SLIT3: variants seen among roughly 807,000 people sequenced by gnomAD.
The protein encoded by SLIT3 is slit homolog 3 protein.
SLIT3 carries 68 observed loss-of-function variants against 184.0 expected under a neutral mutation model. The observed-to-expected ratio is 0.37, with a 90% CI of 0.30 to 0.45. SLIT3 has a LOEUF of 0.45. SLIT3 is among the 20% of genes least tolerant of loss of function. The probability of loss-of-function intolerance (pLI) is 1.00; values close to 1 mark genes in which losing one functional copy is unlikely to be tolerated. For missense variants in SLIT3, 1,707 were observed against 2,026.0 expected (o/e 0.84, Z 3.02); for synonymous variants, 831 against 828.6 (o/e 1.00, Z -0.05).
intron 23 of SLIT3, among the ~76,000 whole-genome samples, chr5:168,718,660 G>T (rs770407536): frequency 7.5e-6 from 1 of 132,740 alleles, no homozygotes; most frequent in South Asian, 2.6e-4. Flanking sequence ...CTCCTGAAAT[G>T]TATTCATATC....
intron 4 of SLIT3, among the ~76,000 whole-genome samples, chr5:168,889,425 G>T (rs1361825595): frequency 6.6e-6 from 1 of 152,140 alleles, no homozygotes; most frequent in East Asian, 1.9e-4. Context: ...GGGATCCAGG[G>T]AATCAAAGTA....
chr5:168,678,193 A>G (rs1490785252), intron 32 of SLIT3, among the ~76,000 whole-genome samples: 1 of 152,022 alleles, frequency 6.6e-6, no homozygotes, highest in Non-Finnish European at 1.5e-5. Flanking sequence ...GCAACTTTTA[A>G]CCAGATCTCC....
chr5:168,909,221 C>T (rs1761176423), intron 4 of SLIT3, among the ~76,000 whole-genome samples: 3 of 152,210 alleles, frequency 2.0e-5, no homozygotes, highest in African/African-American at 7.2e-5. Flanking sequence ...CATAGTCCTA[C>T]TTTTTATGGA....
In SLIT3 at chr5:169,125,087, C is replaced by T. The variant is rs534447024; in HGVS notation, c.413+68392G>A. ...TTTTTGAGATGGAGTTTCACTCTGT[C>T]GCCAGGCTACAGTGCAGTGGCGCAA... is the stretch of plus-strand genomic sequence containing the variant. On this transcript the variant is annotated intron_variant, in intron 4 of 35. Coordinates refer to ENST00000519560, the MANE Select transcript of SLIT3 (RefSeq NM_003062.4). 5.3e-5 allele frequency among the ~76,000 whole-genome samples: 8 copies of T among 151,976 alleles called. No individual in the cohort carries two copies. In the East Asian group the frequency reaches 5.8e-4, roughly 11 times the overall value.
chr5:169,114,816 C>T (rs942477666), intron 4 of SLIT3, among the ~76,000 whole-genome samples: 5 of 152,188 alleles, frequency 3.3e-5, no homozygotes, highest in African/African-American at 4.8e-5. Flanking sequence ...GCGGCAGAGC[C>T]GGGATTACCC....
intron 4 of SLIT3, among the ~76,000 whole-genome samples, chr5:169,075,231 T>C (rs1205459923): frequency 2.6e-5 from 4 of 152,184 alleles, no homozygotes; most frequent in South Asian, 2.1e-4. Context: ...CATCTTTTCT[T>C]ATTCTACAAG....
At chr5:168,989,020 A>G (rs1006417750) in intron 4 of SLIT3, among the ~76,000 whole-genome samples, 1 of 152,238 alleles carries the variant, frequency 6.6e-6, no homozygotes, top group African/African-American at 2.4e-5. Flanking sequence ...TTACATCTTC[A>G]GTCTCAACCA....
chr5:168,873,931 T>C (rs1014535364), intron 5 of SLIT3, among the ~76,000 whole-genome samples: 20 of 152,152 alleles, frequency 1.3e-4, no homozygotes, highest in Admixed American at 4.6e-4. Flanking sequence ...TCCATGTTAA[T>C]ACTCATCTCC....
chr5:169,262,954 C>A (rs550815361), intron 1 of SLIT3, among the ~76,000 whole-genome samples: 1 of 152,108 alleles, frequency 6.6e-6, no homozygotes, highest in African/African-American at 2.4e-5. Flanking sequence ...TGAGTGTGAT[C>A]GTATTTGAAA....
chr5:169,082,709 C>A (rs1490952343), intron 4 of SLIT3, among the ~76,000 whole-genome samples: 1 of 152,222 alleles, frequency 6.6e-6, no homozygotes, highest in Non-Finnish European at 1.5e-5. Flanking sequence ...ATCCTGGCAA[C>A]CATGAAGAGT....
intron 4 of SLIT3, among the ~76,000 whole-genome samples, chr5:169,162,287 G>A (rs181407729): frequency 6.6e-6 from 1 of 152,310 alleles, no homozygotes; most frequent in East Asian, 1.9e-4. Flanking sequence ...TCAGAAACTG[G>A]TGGGTAGGTT....
chr5:168,931,104 C>T (rs1761976360), intron 4 of SLIT3, among the ~76,000 whole-genome samples: 1 of 152,142 alleles, frequency 6.6e-6, no homozygotes, highest in South Asian at 2.1e-4. Flanking sequence ...GGGACTCTCT[C>T]TAATTGTCTT....
intron 12 of SLIT3, among the ~76,000 whole-genome samples, chr5:168,779,911 A>G (rs1052321250): frequency 6.6e-6 from 1 of 152,204 alleles, no homozygotes; most frequent in Admixed American, 6.5e-5. Flanking sequence ...CACTACACCC[A>G]GGCTTTTGAA....
intron 4 of SLIT3, among the ~76,000 whole-genome samples, chr5:168,958,432 T>A (rs958987325): frequency 6.6e-6 from 1 of 152,226 alleles, no homozygotes; most frequent in African/African-American, 2.4e-5. Flanking sequence ...AGGTTTTATA[T>A]GCATTCTCTC....
chr5:168,969,907 C>G (rs978506833), intron 4 of SLIT3, among the ~76,000 whole-genome samples: 2 of 152,226 alleles, frequency 1.3e-5, no homozygotes. Context: ...CAAGGCTGGG[C>G]GCAGTGGCTC....
intron 4 of SLIT3, among the ~76,000 whole-genome samples, chr5:169,082,952 T>C (rs1022561155): frequency 7.9e-5 from 12 of 152,236 alleles, no homozygotes; most frequent in Admixed American, 5.9e-4. Context: ...TTTGAACTTA[T>C]GCATCTTTCT....
At chr5:168,680,742 T>C (rs1761561531) in intron 32 of SLIT3, among the ~76,000 whole-genome samples, 1 of 152,196 alleles carries the variant, frequency 6.6e-6, no homozygotes, top group Non-Finnish European at 1.5e-5. Flanking sequence ...TGCAGGCTGA[T>C]GGGGCCTCCT....
chr5:169,109,996 T>C (rs1581419113), intron 4 of SLIT3, among the ~76,000 whole-genome samples: 1 of 152,156 alleles, frequency 6.6e-6, no homozygotes, highest in African/African-American at 2.4e-5. Context: ...CAAGGAGACA[T>C]AGTAATCCCA....
intron 25 of SLIT3, 131 bp downstream of exon 25, chr5:168,710,763 TG>T: frequency 2.8e-6 from 2 of 717,408 alleles, no homozygotes; most frequent in Non-Finnish European, 4.1e-6. Flanking sequence ...AGCCTCTTTG[TG>T]GGACCCATGG....
Sources: allele counts gnomAD v4.1 joint callset (sites outside exome capture counted in the v4.1 genomes callset), GRCh38; gene constraint gnomAD v4.1.1; transcripts MANE v1.5; gene names NCBI Gene and HGNC (gene_info 2026-07-23, HGNC 2026-07-21).